The following CAPRIN2 variants were observed in gnomAD, a reference collection of about 807,000 sequenced individuals.
CAPRIN2 encodes caprin-2.
In CAPRIN2, 66 loss-of-function variants were observed where a neutral mutation model predicts 130.4. The observed-to-expected ratio is 0.51, with a 90% CI of 0.42 to 0.62. The LOEUF is 0.62. CAPRIN2 is among the 20% of genes least tolerant of loss of function. CAPRIN2 has a pLI of 0.00. For synonymous variants in CAPRIN2, 471 were observed against 444.1 expected (o/e 1.06, Z -0.76); for missense variants, 1,185 against 1,246.6 (o/e 0.95, Z 0.74).
intron 6 of CAPRIN2, 125 bp from the exon 8 acceptor site, chr12:30,730,407 C>T (rs61921007): frequency 0.011 from 7,384 of 685,702 alleles, 64 homozygotes; most frequent in South Asian, 0.014. Context: ...GTAATATAAT[C>T]AAGTATATTG....
intron 12 of CAPRIN2, 76 bp from the exon 15 acceptor site, chr12:30,716,752 G>C (rs1302433286): frequency 1.5e-6 from 2 of 1,359,018 alleles, no homozygotes; most frequent in Non-Finnish European, 2.0e-6. Context: ...CAGCAAAATT[G>C]TACATTCAAA....
At chr12:30,733,087 A>G (rs1475757900) in intron 5 of CAPRIN2, among the ~76,000 whole-genome samples, 1 of 152,012 alleles carries the variant, frequency 6.6e-6, no homozygotes, top group Non-Finnish European at 1.5e-5. Flanking sequence ...AGTTTTCATT[A>G]CTCTAAGCTA....
intron 7 of CAPRIN2, among the ~76,000 whole-genome samples, chr12:30,729,773 T>C (rs1372248082): frequency 1.3e-5 from 2 of 152,358 alleles, no homozygotes; most frequent in South Asian, 2.1e-4. Context: ...ATTTCCCTTA[T>C]ACATCAATGA....
At position 30,728,637 on chromosome 12, in the gene CAPRIN2, G is replaced by A. The variant is rs760930118; in HGVS notation, c.1782+11C>T. On this transcript the variant is annotated intron_variant, in intron 8 of 16. Coordinates refer to ENST00000298892, the Ensembl canonical transcript of CAPRIN2. ...ACACTTACAGAAGCAGAATGATACA[G>A]ATCAACTCACATCTTTGGGTTCTGT... The A allele has an allele frequency of 8.8e-6, 14 of 1,593,316 alleles. No individual in the cohort carries two copies. In the Admixed American group the frequency reaches 1.0e-4, roughly 12 times the overall value.
chr12:30,741,485 G>A (rs2067414006), intron 2 of CAPRIN2, among the ~76,000 whole-genome samples: 1 of 152,074 alleles, frequency 6.6e-6, no homozygotes, highest in Non-Finnish European at 1.5e-5. Context: ...TCAGAGAGAT[G>A]AACAAGCAAC....
chr12:30,725,971 T>C (rs1827162011), exon 9 of CAPRIN2: 4 of 1,587,858 alleles, frequency 2.5e-6, no homozygotes, highest in East Asian at 2.3e-5. Context: ...CATACTTGCA[T>C]AAAGTTACAA....
intron 5 of CAPRIN2, among the ~76,000 whole-genome samples, chr12:30,732,177 T>C (rs561908969): frequency 1.3e-5 from 2 of 152,144 alleles, no homozygotes; most frequent in African/African-American, 4.8e-5. Flanking sequence ...CACCTGACCA[T>C]TTGATGATCA....
chr12:30,713,698 A>C, intron 15 of CAPRIN2, 87 bp downstream of exon 17: 1 of 765,248 alleles, frequency 1.3e-6, no homozygotes, highest in Non-Finnish European at 2.2e-6. Context: ...TTCAGAAAAC[A>C]AATTATGACT....
At chr12:30,728,538 G>T in intron 8 of CAPRIN2, 110 bp downstream of exon 9, 1 of 845,698 alleles carries the variant, frequency 1.2e-6, no homozygotes, top group Non-Finnish European at 1.8e-6. Context: ...CTGGGTAACA[G>T]AGTGTTTCTC....
At chr12:30,729,395 T>C in intron 7 of CAPRIN2, 70 bp from the exon 9 acceptor site, 1 of 1,090,512 alleles carries the variant, frequency 9.2e-7, no homozygotes, top group Non-Finnish European at 1.3e-6. Context: ...TTCAACTCTA[T>C]TAGTATTGCT....
rs763358747 is a variant in CAPRIN2 at position 30,713,764 on chromosome 12, A to G, written c.2601+21T>C. On this transcript the variant is annotated intron_variant, in intron 15 of 16. Transcript: ENST00000298892. ...TCAACAACTGTACCACTATTCAACT[A>G]TGACAACTATTCTTACTTACCCTTT... The G allele has an allele frequency of 2.2e-6, 3 of 1,352,200 alleles. No homozygotes were observed. In the South Asian group the frequency reaches 3.6e-5, roughly 16 times the overall value. 83.8% of individuals were successfully genotyped at this position (1,352,200 alleles called of 1,614,324 possible).
chr12:30,719,895 A>G (rs1406600393), intron 12 of CAPRIN2: 1 of 152,172 alleles, frequency 6.6e-6, no homozygotes, highest in African/African-American at 2.4e-5. Flanking sequence ...AAAACTAAGG[A>G]TTATCTATAT....
exon 1 of CAPRIN2, chr12:30,754,294 A>C (rs2075293272): frequency 6.5e-6 from 1 of 153,378 alleles, no homozygotes; most frequent in Admixed American, 6.5e-5. Context: ...CATTCTAGCG[A>C]GCCCTTCCCG....
At chr12:30,718,362 T>C (rs2058335011) in intron 12 of CAPRIN2, among the ~76,000 whole-genome samples, 1 of 151,940 alleles carries the variant, frequency 6.6e-6, no homozygotes, top group Non-Finnish European at 1.5e-5. Context: ...TCTCCCGGGG[T>C]GGTGCCTGCT....
intron 2 of CAPRIN2, among the ~76,000 whole-genome samples, chr12:30,747,802 T>C (rs1352076746): frequency 6.6e-6 from 1 of 152,196 alleles, no homozygotes; most frequent in Non-Finnish European, 1.5e-5. Context: ...ACATTCTAGA[T>C]GTCATTAAGA....
exon 7 of CAPRIN2, chr12:30,730,271 C>T (rs1394987338): frequency 6.2e-7 from 1 of 1,608,718 alleles, no homozygotes; most frequent in Non-Finnish European, 8.5e-7. Context: ...TGGGCAAATT[C>T]CATTAGAGAC....
intron 11 of CAPRIN2, among the ~76,000 whole-genome samples, chr12:30,722,392 T>C (rs754951036): frequency 6.6e-6 from 1 of 152,130 alleles, no homozygotes; most frequent in Non-Finnish European, 1.5e-5. Context: ...TTATGACATA[T>C]AAAGTGGGAT....
At chr12:30,709,908 T>A (rs747779716) in exon 17 of CAPRIN2, 1 of 1,604,864 alleles carries the variant, frequency 6.2e-7, no homozygotes, top group South Asian at 1.1e-5. Flanking sequence ...ACTTTCAATC[T>A]TGATAAAGAA....
chr12:30,718,064 C>T (rs1308292338), intron 12 of CAPRIN2, among the ~76,000 whole-genome samples: 1 of 152,120 alleles, frequency 6.6e-6, no homozygotes, highest in East Asian at 1.9e-4. Context: ...AACAGATTGG[C>T]ATGAGCAAAA....
Sources: gnomAD v4.1 joint callset for allele counts (sites outside exome capture counted in the v4.1 genomes callset) on GRCh38, gnomAD v4.1.1 for gene constraint, MANE v1.5 for transcripts, NCBI Gene and HGNC (gene_info 2026-07-23, HGNC 2026-07-21) for gene names.